Variants in HYCC1 observed in about 807,000 individuals in gnomAD.
HYCC1 encodes the protein hyccin PI4KA lipid kinase complex subunit 1, also known as hyccin.
At chr7:22,932,925 T>C in the HYCC1 span, among the ~76,000 whole-genome samples, 34 of 152,270 alleles carry the variant, frequency 2.2e-4, no homozygotes, top group Admixed American at 2.0e-3. Flanking sequence ...ATAACTGGTG[T>C]TCTTATAAAA....
At chr7:22,995,704 G>A in the HYCC1 span, among the ~76,000 whole-genome samples, 18 of 152,182 alleles carry the variant, frequency 1.2e-4, no homozygotes, top group African/African-American at 4.3e-4. Context: ...TTTCCTTACG[G>A]AAGAATTCCC....
chr7:22,914,388 G>C, the HYCC1 span, among the ~76,000 whole-genome samples: 40,958 of 151,886 alleles, frequency 0.27, 5,662 homozygotes, highest in East Asian at 0.48. Flanking sequence ...AACTTCCACC[G>C]TCTATTCCCC....
At chr7:22,976,944 T>C in the HYCC1 span, 1 of 632,490 alleles carries the variant, frequency 1.6e-6, no homozygotes, top group Non-Finnish European at 2.8e-6. Flanking sequence ...CCTACCAAAT[T>C]TTCTGCTCGA....
At chr7:22,986,028 T>TTTTA in the HYCC1 span, among the ~76,000 whole-genome samples, 1 of 149,290 alleles carries the variant, frequency 6.7e-6, no homozygotes, top group Non-Finnish European at 1.5e-5. Context: ...GATTACTACT[T>TTTTA]TATATATATA....
chr7:22,983,329 A>G, the HYCC1 span, among the ~76,000 whole-genome samples: 8 of 87,024 alleles, frequency 9.2e-5, no homozygotes, highest in African/African-American at 2.8e-4. Flanking sequence ...ACCCTGTCTC[A>G]AAAAAAAAAA....
the HYCC1 span, among the ~76,000 whole-genome samples, chr7:23,003,485 A>G: frequency 2.6e-5 from 4 of 152,360 alleles, no homozygotes; most frequent in Admixed American, 2.6e-4. Context: ...AGAAAGCCCA[A>G]TGTAAACATT....
the HYCC1 span, chr7:22,944,452 T>A: frequency 2.6e-5 from 4 of 152,134 alleles, no homozygotes; most frequent in Non-Finnish European, 5.9e-5. Context: ...TCTTTTGATA[T>A]CATACTAAGA....
the HYCC1 span, among the ~76,000 whole-genome samples, chr7:22,921,881 T>C: frequency 5.3e-5 from 8 of 152,118 alleles, no homozygotes; most frequent in African/African-American, 1.4e-4. Flanking sequence ...AAATCCACAT[T>C]GCTCAAGGGT....
the HYCC1 span, among the ~76,000 whole-genome samples, chr7:23,000,562 G>A: frequency 2.0e-5 from 3 of 151,936 alleles, no homozygotes; most frequent in Non-Finnish European, 4.4e-5. Flanking sequence ...ATATATCATG[G>A]ACATTTTTTA....
chr7:23,013,672 C>A, the HYCC1 span, among the ~76,000 whole-genome samples: 2 of 107,838 alleles, frequency 1.9e-5, no homozygotes, highest in South Asian at 6.8e-4. Flanking sequence ...GGGCAGGCTG[C>A]GCCCAACTTC....
the HYCC1 span, chr7:22,991,040 T>C: frequency 4.4e-5 from 67 of 1,520,390 alleles, no homozygotes; most frequent in Non-Finnish European, 5.8e-5. Context: ...ATAATTACTA[T>C]AGTAGAACAG....
At chr7:22,917,330 T>C in the HYCC1 span, among the ~76,000 whole-genome samples, 1 of 152,258 alleles carries the variant, frequency 6.6e-6, no homozygotes, top group Non-Finnish European at 1.5e-5. Context: ...TACACGCTGC[T>C]AGCCCGCCTC....
At chr7:22,983,835 G>A in the HYCC1 span, 2 of 712,098 alleles carry the variant, frequency 2.8e-6, no homozygotes, top group East Asian at 5.4e-5. Flanking sequence ...TTTCAGTATT[G>A]TTCTTTAAAC....
chr7:22,982,704 T>C, the HYCC1 span, among the ~76,000 whole-genome samples: 1 of 152,146 alleles, frequency 6.6e-6, no homozygotes, highest in South Asian at 2.1e-4. Flanking sequence ...CATAGCTTCC[T>C]AGTCTTCTTG....
chr7:22,917,613 G>GCACA, the HYCC1 span, among the ~76,000 whole-genome samples: 1 of 152,176 alleles, frequency 6.6e-6, no homozygotes, highest in Non-Finnish European at 1.5e-5. Context: ...AGGCCACTGT[G>GCACA]GTCATTTCTT....
the HYCC1 span, among the ~76,000 whole-genome samples, chr7:22,896,230 G>A: frequency 6.6e-6 from 1 of 152,110 alleles, no homozygotes; most frequent in Non-Finnish European, 1.5e-5. Context: ...CAGGAGAAAG[G>A]GACAAAAGGA....
the HYCC1 span, among the ~76,000 whole-genome samples, chr7:23,010,363 C>T: frequency 6.6e-6 from 1 of 152,132 alleles, no homozygotes; most frequent in South Asian, 2.1e-4. Context: ...TTTCCTTATG[C>T]ATGTAAACAA....
the HYCC1 span, chr7:22,945,699 G>T: frequency 2.5e-6 from 4 of 1,613,796 alleles, no homozygotes; most frequent in Non-Finnish European, 3.4e-6. Context: ...TCTTCTTGGA[G>T]ACTACAAGCG....
the HYCC1 span, among the ~76,000 whole-genome samples, chr7:22,902,074 C>T: frequency 2.6e-5 from 4 of 152,076 alleles, no homozygotes; most frequent in African/African-American, 9.7e-5. Flanking sequence ...GCATGTAGAG[C>T]ATATTGTCCA....
Sources: allele counts gnomAD v4.1 joint callset (sites outside exome capture counted in the v4.1 genomes callset), GRCh38; gene constraint gnomAD v4.1.1; transcripts MANE v1.5; gene names NCBI Gene and HGNC (gene_info 2026-07-23, HGNC 2026-07-21).